The following BTAF1 variants were observed in gnomAD, a reference collection of about 807,000 sequenced individuals.
The protein encoded by BTAF1 is TATA-binding protein-associated factor 172.
A neutral mutation model predicts 227.1 loss-of-function variants in BTAF1; 38 were observed. The observed-to-expected ratio is 0.17, with a 90% confidence interval of 0.13 to 0.22. The LOEUF (loss-of-function observed/expected upper bound fraction) is 0.22, where lower values mean the gene tolerates loss of function less well. Among genes scored for constraint, BTAF1 ranks in the 10% least tolerant of loss-of-function variants. The pLI is 1.00. For synonymous variants in BTAF1, 742 were observed against 751.9 expected, an observed-to-expected ratio of 0.99 and a Z score of 0.21; for missense variants, 1,598 against 2,204.0, an observed-to-expected ratio of 0.73 and a Z score of 5.51.
Position 91,959,127 on chromosome 10 carries a change from T to C in BTAF1, c.963T>C (p.Gly321=). ...TTAAAGCTCATGGGAAAAGTGGTGG[T>C]AAAATGGGTGACAGCACTTTAGAAG... The part of the protein sequence containing the change: ...EILKAHGKSG[G]KMGDSTLEEM... The change falls in exon 9 of 38, where the codon GGT becomes GGC. Residue 321 remains glycine, a synonymous_variant. Transcript: ENST00000265990. The C allele has an allele frequency of 2.5e-6, 4 of 1,614,118 alleles. No homozygotes were observed. The highest frequency in any genetic ancestry group is 3.4e-6 in the Non-Finnish European group (4 of 1,180,008).
At chr10:91,966,868 G>T (rs577331806) in intron 14 of BTAF1, 111 bp downstream of exon 14, 10 of 984,986 alleles carry the variant, frequency 1.0e-5, no homozygotes, top group African/African-American at 3.3e-5. Context: ...GACAATGTTG[G>T]GCCTAGTGGT....
At chr10:91,924,238 T>C (rs1432294970) in intron 1 of BTAF1, 148 bp downstream of exon 1, 2 of 1,132,652 alleles carry the variant, frequency 1.8e-6, no homozygotes, top group Non-Finnish European at 2.4e-6. Flanking sequence ...CGCCCCGTGG[T>C]CGGCGGGGGT....
intron 13 of BTAF1, 95 bp from the exon 14 acceptor site, chr10:91,966,542 G>A (rs904839776): frequency 1.8e-5 from 24 of 1,305,214 alleles, no homozygotes; most frequent in Non-Finnish European, 2.6e-5. Context: ...GTCACATGGT[G>A]TCAGCATCAC....
chr10:91,981,331 A>G (rs1371003678), intron 15 of BTAF1, among the ~76,000 whole-genome samples: 1 of 152,182 alleles, frequency 6.6e-6, no homozygotes, highest in Non-Finnish European at 1.5e-5. Flanking sequence ...GTCTTATGAT[A>G]TATGCAAAGG....
intron 1 of BTAF1, among the ~76,000 whole-genome samples, chr10:91,926,552 A>G (rs376718369): frequency 6.6e-6 from 1 of 152,190 alleles, no homozygotes; most frequent in East Asian, 1.9e-4. Flanking sequence ...ATCCTAGAAC[A>G]TGCCACCATC....
intron 13 of BTAF1, among the ~76,000 whole-genome samples, chr10:91,965,685 G>A (rs1846853065): frequency 2.6e-5 from 4 of 152,152 alleles, no homozygotes; most frequent in Non-Finnish European, 5.9e-5. Context: ...GTTATTTGGA[G>A]CATGAACAGT....
intron 11 of BTAF1, among the ~76,000 whole-genome samples, chr10:91,961,257 A>G (rs1338534537): frequency 7.9e-5 from 12 of 152,170 alleles, no homozygotes; most frequent in Admixed American, 4.6e-4. Context: ...TTCCCGTAAT[A>G]CTTTCCAGTT....
In BTAF1 at chr10:91,993,730, G is replaced by A; in HGVS notation, c.3082G>A (p.Glu1028Lys). Residue 1028 changes from glutamate to lysine, a missense_variant, in exon 22 of 38, where the codon GAA (glutamate) becomes AAA (lysine). Physicochemically the swap from Glu to Lys is moderately conservative, Grantham distance 56. Coordinates refer to ENST00000265990, the MANE Select transcript of BTAF1 (RefSeq NM_003972.3). ...TTACCTGGTACAACGGAGAGGAGCTGAATTTGCTTTGACAACTATAGTAAA... is the reference window on the plus strand; with the variant it reads ...TTACCTGGTACAACGGAGAGGAGCTAAATTTGCTTTGACAACTATAGTAAA... ...KPYLVQRRGAEFALTTIVKHF... is the reference protein window; with the variant it reads ...KPYLVQRRGAKFALTTIVKHF... 6.3e-7 allele frequency: 1 copy of A among 1,590,278 alleles called. No individual in the cohort carries two copies. Among genetic ancestry groups the A allele is most frequent in the Non-Finnish European group, 8.6e-7 (1 of 1,165,742 alleles).
Position 92,013,820 on chromosome 10 carries a change from A to T in BTAF1, c.4453+12A>T, listed in dbSNP as rs1177832345. On this transcript the variant is annotated intron_variant, in intron 31 of 37. Transcript: ENST00000265990. ...AGAGCAAGAAGCAGGTATGAAAGAG[A>T]TATAATTATAACCCTGTGTAAGTGA... 1 of 1,613,950 alleles carries T rather than the reference A, an allele frequency of 6.2e-7. No homozygotes were observed.
At chr10:91,934,340 A>C (rs1844458093) in intron 1 of BTAF1, among the ~76,000 whole-genome samples, 1 of 151,884 alleles carries the variant, frequency 6.6e-6, no homozygotes, top group Non-Finnish European at 1.5e-5. Flanking sequence ...ATTCAGAAGC[A>C]ATTATCCTGC....
chr10:92,019,747 T>C (rs1184543949), intron 34 of BTAF1, among the ~76,000 whole-genome samples: 1 of 152,252 alleles, frequency 6.6e-6, no homozygotes, highest in Non-Finnish European at 1.5e-5. Context: ...TATTCCCTAA[T>C]GACTGATGAT....
At chr10:91,980,579 TG>T in intron 15 of BTAF1, 21 bp downstream of exon 15, 1 of 1,570,046 alleles carries the variant, frequency 6.4e-7, no homozygotes, top group African/African-American at 1.3e-5. Flanking sequence ...AATGTATTTG[TG>T]TTCCTTTTCC....
At chr10:91,952,278 T>A (rs763739201) in intron 5 of BTAF1, among the ~76,000 whole-genome samples, 4 of 152,174 alleles carry the variant, frequency 2.6e-5, no homozygotes, top group Non-Finnish European at 5.9e-5. Flanking sequence ...TTTGGACAGC[T>A]TCATGCTGTT....
chr10:92,011,482 G>T, intron 30 of BTAF1, 67 bp downstream of exon 30: 1 of 735,608 alleles, frequency 1.4e-6, no homozygotes, highest in Non-Finnish European at 1.8e-6. Flanking sequence ...CAGGTGGAGG[G>T]TAGGCTTGGT....
intron 12 of BTAF1, 72 bp from the exon 13 acceptor site, chr10:91,964,005 G>A: frequency 6.5e-7 from 1 of 1,546,934 alleles, no homozygotes; most frequent in Non-Finnish European, 8.8e-7. Flanking sequence ...GTGACCCCTG[G>A]GATACCATTT....
At chr10:91,976,485 A>G (rs1269470625) in intron 14 of BTAF1, among the ~76,000 whole-genome samples, 2 of 152,160 alleles carry the variant, frequency 1.3e-5, no homozygotes, top group African/African-American at 4.8e-5. Flanking sequence ...TCCTCTGGCA[A>G]CCAGCCCCCT....
chr10:91,980,745 A>G (rs1034538864), intron 15 of BTAF1, among the ~76,000 whole-genome samples, 187 bp downstream of exon 15: 4 of 152,182 alleles, frequency 2.6e-5, no homozygotes, highest in African/African-American at 9.6e-5. Flanking sequence ...TTGATTGGCC[A>G]TGCTTCTTCC....
intron 22 of BTAF1, 40 bp downstream of exon 22, chr10:91,993,887 T>G (rs1848972071): frequency 6.9e-7 from 1 of 1,449,932 alleles, no homozygotes; most frequent in Non-Finnish European, 9.3e-7. Context: ...TTAACAAATT[T>G]TAATGTCTAT....
Position 92,011,919 on chromosome 10 carries a change from T to A in BTAF1, c.4311+504T>A, listed in dbSNP as rs533307764. On this transcript the variant is annotated intron_variant, in intron 30 of 37. Transcript: ENST00000265990. ...TTATCTTGTCCTCCAGAAGAATTGGTTGCAAATGTTCACATCTAGCTTGGA... is the reference window on the plus strand; with the variant it reads ...TTATCTTGTCCTCCAGAAGAATTGGATGCAAATGTTCACATCTAGCTTGGA... Among the ~76,000 whole-genome samples, 87 of 152,150 alleles carry A rather than the reference T, an allele frequency of 5.7e-4. 2 individuals are homozygous for A. Among genetic ancestry groups the A allele is most frequent in the African/African-American group, 1.9e-3 (77 of 41,510 alleles).
Sources: allele counts gnomAD v4.1 joint callset (sites outside exome capture counted in the v4.1 genomes callset), GRCh38; gene constraint gnomAD v4.1.1; transcripts MANE v1.5; gene names NCBI Gene and HGNC (gene_info 2026-07-23, HGNC 2026-07-21).